Variants in REV3L observed in about 807,000 individuals in gnomAD.
REV3L encodes the protein DNA polymerase zeta catalytic subunit.
Under a neutral mutation model 299.4 loss-of-function variants are expected in REV3L, and 69 were observed. The ratio of observed to expected loss-of-function variants is 0.23; its 90% CI spans 0.19 to 0.28. REV3L has a LOEUF of 0.28. Ranked by LOEUF, REV3L falls within the 10% of genes least tolerant of loss-of-function variation. The probability of loss-of-function intolerance (pLI) is 1.00; values close to 1 mark genes in which losing one functional copy is unlikely to be tolerated. For missense variants in REV3L, 3,128 were observed against 3,693.8 expected (o/e 0.85, Z 3.97); for synonymous variants, 1,238 against 1,271.4 (o/e 0.97, Z 0.56).
intron 1 of REV3L, among the ~76,000 whole-genome samples, chr6:111,479,886 A>G (rs1793415686): frequency 6.6e-6 from 1 of 152,238 alleles, no homozygotes; most frequent in Non-Finnish European, 1.5e-5. Flanking sequence ...AACCCAAAAC[A>G]CTTTATTTCT....
In REV3L at chr6:111,416,292, A is replaced by G; in HGVS notation, c.320T>C (p.Val107Ala). ...ATTATCATATACTTACATTCCTGATACTAATGACACTTTGAACACATGCTG... is the reference window on the plus strand; with the variant it reads ...ATTATCATATACTTACATTCCTGATGCTAATGACACTTTGAACACATGCTG... The part of the protein sequence containing the change: ...TAQHVFKVSL[V>A]SGMPFYGYHE... The change falls in exon 2 of 32, where the codon GTA becomes GCA. Residue 107 changes from valine to alanine, a missense_variant. By Grantham distance (64) the Val-to-Ala change is moderately conservative. This residue lies in a region of REV3L where 2,409 missense variants were observed against 2,611.8 expected (regional missense o/e 0.92). Coordinates refer to ENST00000368802, the MANE Select transcript of REV3L (RefSeq NM_001372078.1). 6.2e-7 allele frequency: 1 copy of G among 1,608,144 alleles called. No homozygotes were observed. The highest frequency in any genetic ancestry group is 8.5e-7 in the Non-Finnish European group (1 of 1,176,390).
Position 111,331,685 on chromosome 6 carries a change from A to C in REV3L, c.8025T>G (p.Ala2675=). 6.2e-7 allele frequency: 1 copy of C among 1,608,462 alleles called. No homozygotes were observed. Among genetic ancestry groups the C allele is most frequent in the Non-Finnish European group, 8.5e-7 (1 of 1,175,628 alleles). The part of the protein sequence containing the change: ...HDITVSPNGV[A]FVKPSVRKGV... ...TACAAGAGAGTATTACCTTGACAAAAGCTACTCCATTGGGGGACACTGTGA... is the reference window on the plus strand; with the variant it reads ...TACAAGAGAGTATTACCTTGACAAACGCTACTCCATTGGGGGACACTGTGA... The change falls in exon 24 of 32, where the codon GCT becomes GCG. Residue 2675 remains alanine, a synonymous_variant. Transcript: ENST00000368802.
At chr6:111,408,602 A>AAAAAC (rs75742786) in intron 3 of REV3L, among the ~76,000 whole-genome samples, 26,484 of 147,928 alleles carry the variant, frequency 0.18, 3,034 homozygotes, top group Non-Finnish European at 0.25. Flanking sequence ...ACTCCATCTT[A>AAAAAC]AAAACAAAAC....
intron 1 of REV3L, among the ~76,000 whole-genome samples, chr6:111,471,744 C>T (rs559648417): frequency 2.0e-5 from 3 of 152,158 alleles, no homozygotes; most frequent in South Asian, 4.2e-4. Flanking sequence ...TGAGGTGGGG[C>T]CCATGAAGGT....
chr6:111,412,686 T>C (rs1261017504), intron 2 of REV3L, among the ~76,000 whole-genome samples: 1 of 151,924 alleles, frequency 6.6e-6, no homozygotes, highest in Non-Finnish European at 1.5e-5. Context: ...AGGACTAATT[T>C]GGTAGCAGAG....
At chr6:111,476,908 A>T (rs1485065758) in intron 1 of REV3L, among the ~76,000 whole-genome samples, 1 of 152,154 alleles carries the variant, frequency 6.6e-6, no homozygotes, top group Non-Finnish European at 1.5e-5. Flanking sequence ...TAGAAAATCA[A>T]TTTTTCCTTA....
chr6:111,420,586 G>A (rs184896372), intron 1 of REV3L, among the ~76,000 whole-genome samples: 33 of 152,240 alleles, frequency 2.2e-4, no homozygotes, highest in African/African-American at 6.5e-4. Context: ...AAATAAGATC[G>A]TCTGTGGCTG....
rs756342039 is a variant in REV3L, at chr6:111,375,115, C to T, written c.3240G>A (p.Arg1080=). Residue 1080 remains arginine, a synonymous_variant, in exon 13 of 32, where the codon CGG becomes CGA. Transcript: ENST00000368802. The stretch of plus-strand genomic sequence containing the variant: ...AGGGAGGAGAAAGAATAGCATGTGA[C>T]CGTTTTTTCCTGAAAGACAAAGTTC... The part of the protein sequence containing the change: ...IKRTLSFRKK[R]SHAILSPPSP... 5.6e-6 allele frequency: 9 copies of T among 1,609,832 alleles called. No individual in the cohort carries two copies. Among genetic ancestry groups the T allele is most frequent in the Non-Finnish European group, 1.7e-6 (2 of 1,178,892 alleles).
Position 111,307,556 on chromosome 6 carries a change from G to C in REV3L, c.9057C>G (p.Thr3019=). 6.2e-7 allele frequency: 1 copy of C among 1,614,176 alleles called. No individual in the cohort carries two copies. The highest frequency in any genetic ancestry group is 8.5e-7 in the Non-Finnish European group (1 of 1,180,016). The change falls in exon 31 of 32, where the codon ACC becomes ACG. Residue 3019 remains threonine (T), a synonymous_variant. Coordinates refer to ENST00000368802, the MANE Select transcript of REV3L (RefSeq NM_001372078.1). ...CTTCAGGTTCACTTCGCGAGGAGCT[G>C]GTAGCTTTATGGATCTATAAAAACA... The part of the protein sequence containing the change: ...YHELPRIHKA[T]SSSRSEPEGR...
In REV3L at chr6:111,363,856, A is replaced by C; in HGVS notation, c.6876T>G (p.His2292Gln). Residue 2292 changes from histidine (H) to glutamine (Q), a missense_variant, in exon 16 of 32, where the codon CAT (histidine) becomes CAG (glutamine). By Grantham distance (24) the His-to-Gln change is conservative. This residue lies in a region of REV3L where 2,409 missense variants were observed against 2,611.8 expected (regional missense o/e 0.92). Transcript: ENST00000368802. Reference sequence around the variant, plus strand: ...GTCCTTACTGTTGCAGTTTTACCTCATGTAAAGCTTTTGCCTCCTGTAAGT... The same window carrying C: ...GTCCTTACTGTTGCAGTTTTACCTCCTGTAAAGCTTTTGCCTCCTGTAAGT... Reference protein sequence around the residue: ...IQNLQEAKALHEIQNLTLISV... With the variant: ...IQNLQEAKALQEIQNLTLISV... 6.2e-7 allele frequency: 1 copy of C among 1,613,234 alleles called. No homozygotes were observed. Among genetic ancestry groups the C allele is most frequent in the East Asian group, 2.2e-5 (1 of 44,740 alleles).
chr6:111,346,673 C>T (rs894835755), intron 20 of REV3L, among the ~76,000 whole-genome samples: 1 of 152,068 alleles, frequency 6.6e-6, no homozygotes, highest in Non-Finnish European at 1.5e-5. Flanking sequence ...AACAGGTTAC[C>T]CAGCTCATAA....
rs752665129 is a variant in REV3L, at chr6:111,315,312, A to G, written c.8421T>C (p.Ala2807=). The G allele has an allele frequency of 1.2e-6, 2 of 1,614,016 alleles. No individual in the cohort carries two copies. The highest frequency in any genetic ancestry group is 1.3e-5 in the African/African-American group (1 of 74,934). ...CTGGTTTAGGATTGGTAGCAGTTAC[A>G]GCTTCGGCAATTTCCTGACCAATCT... ...SFKIGQEIAE[A]VTATNPKPVK... is the part of the protein sequence containing the mutation. Residue 2807 remains alanine (A), a synonymous_variant, in exon 27 of 32, where the codon GCT becomes GCC. Coordinates refer to ENST00000368802, the MANE Select transcript of REV3L (RefSeq NM_001372078.1).
chr6:111,417,011 GA>G lies in REV3L; in HGVS notation c.140-540del, dbSNP rs533411120. Among the ~76,000 whole-genome samples the G allele has an allele frequency of 2.7e-3, 376 of 141,850 alleles. 3 individuals carry two copies. Among genetic ancestry groups the G allele is most frequent in the African/African-American group, 5.9e-3 (230 of 39,188 alleles). 93.1% of individuals were successfully genotyped at this position (141,850 alleles called of 152,430 possible). ...AAAAATGAAATTTTGCCATTAAAAG[GA>G]AAAAAAAAAAGACAAAACCAAATCA... On this transcript the variant is annotated intron_variant, in intron 1 of 31. Coordinates refer to ENST00000368802, the MANE Select transcript of REV3L (RefSeq NM_001372078.1).
At chr6:111,371,506 T>A (rs958171968) in intron 13 of REV3L, among the ~76,000 whole-genome samples, 1 of 151,914 alleles carries the variant, frequency 6.6e-6, no homozygotes, top group Non-Finnish European at 1.5e-5. Flanking sequence ...TTCTCCTTCC[T>A]TAGCCTCCTG....
rs532100098 is a variant in REV3L, at chr6:111,309,793, T to C, written c.9042+60A>G. The C allele has an allele frequency of 3.5e-4, 539 of 1,559,816 alleles. 5 individuals carry two copies. Among genetic ancestry groups the C allele is most frequent in the Middle Eastern group, 2.3e-3 (12 of 5,144 alleles). The stretch of plus-strand genomic sequence containing the variant: ...TAGCACATAAAACCTTTAGTTCTAC[T>C]GAAAATTTGGAGTGAAATCTCTCCA... On this transcript the variant is annotated intron_variant, in intron 30 of 31. Transcript: ENST00000368802.
rs868822342 is a variant in REV3L at position 111,420,560 on chromosome 6, A to G, written c.140-4088T>C. ...TACTATCATGGCAAACTGAAGTTAG[A>G]CAACAAGTCCAAGAGAAATAAGATC... On this transcript the variant is annotated intron_variant, in intron 1 of 31. Coordinates refer to ENST00000368802, the MANE Select transcript of REV3L (RefSeq NM_001372078.1). Among the ~76,000 whole-genome samples the G allele has an allele frequency of 4.6e-5, 7 of 152,316 alleles. No individual in the cohort carries two copies. In the South Asian group the frequency reaches 1.5e-3, roughly 32 times the overall value.
chr6:111,417,351 G>T (rs1313952272), intron 1 of REV3L, among the ~76,000 whole-genome samples: 1 of 152,162 alleles, frequency 6.6e-6, no homozygotes, highest in Non-Finnish European at 1.5e-5. Flanking sequence ...CATGAATCTG[G>T]CAGGGCTGTA....
intron 1 of REV3L, among the ~76,000 whole-genome samples, chr6:111,446,286 AC>A (rs1302271480): frequency 6.6e-6 from 1 of 152,242 alleles, no homozygotes; most frequent in Non-Finnish European, 1.5e-5. Flanking sequence ...TAATAGAGTA[AC>A]AATATAATTT....
intron 31 of REV3L, among the ~76,000 whole-genome samples, chr6:111,302,062 G>A (rs1219528733): frequency 1.3e-5 from 2 of 152,194 alleles, no homozygotes; most frequent in Non-Finnish European, 2.9e-5. Context: ...ATGGCTCACA[G>A]GCCAGTGAAG....
Sources: gnomAD v4.1 joint callset for allele counts (sites outside exome capture counted in the v4.1 genomes callset) on GRCh38, gnomAD v4.1.1 for gene constraint, gnomAD v4.1.1 regional missense constraint, MANE v1.5 for transcripts, NCBI Gene and HGNC (gene_info 2026-07-23, HGNC 2026-07-21) for gene names.